The following SNTG1 variants were observed in gnomAD, a reference collection of about 807,000 sequenced individuals.
The protein encoded by SNTG1 is syntrophin gamma 1.
Under a neutral mutation model 74.7 loss-of-function variants are expected in SNTG1, and 39 were observed. The ratio of observed to expected loss-of-function variants is 0.52; its 90% CI spans 0.40 to 0.68. The LOEUF (loss-of-function observed/expected upper bound fraction) is 0.68. Among genes scored for constraint, SNTG1 ranks in the 30% least tolerant of loss-of-function variants. SNTG1 has a pLI of 0.00. For synonymous variants in SNTG1, 254 were observed against 217.1 expected, an observed-to-expected ratio of 1.17 and a Z score of -1.49; for missense variants, 685 against 609.5, an observed-to-expected ratio of 1.12 and a Z score of -1.30.
intron 1 of SNTG1, among the ~76,000 whole-genome samples, chr8:50,107,881 A>G (rs1223098823): frequency 2.6e-5 from 4 of 152,114 alleles, no homozygotes; most frequent in Non-Finnish European, 5.9e-5. Context: ...AGAGCGAATC[A>G]CTAAGTGTTG....
At chr8:50,059,516 G>A (rs1820301329) in intron 1 of SNTG1, among the ~76,000 whole-genome samples, 1 of 151,980 alleles carries the variant, frequency 6.6e-6, no homozygotes, top group Admixed American at 6.6e-5. Context: ...AATTCCTCAA[G>A]CCTTGGTATA....
At chr8:50,105,748 T>G (rs980791129) in intron 1 of SNTG1, among the ~76,000 whole-genome samples, 1 of 152,046 alleles carries the variant, frequency 6.6e-6, no homozygotes, top group Non-Finnish European at 1.5e-5. Flanking sequence ...AATTTCGCTT[T>G]CCTGGTTAGC....
intron 15 of SNTG1, among the ~76,000 whole-genome samples, chr8:50,690,550 G>C (rs1339710660): frequency 2.0e-5 from 3 of 152,156 alleles, no homozygotes; most frequent in African/African-American, 7.2e-5. Context: ...CCATGTAGTT[G>C]TGTGGTTTTG....
At chr8:50,481,776 C>T (rs183319270) in intron 8 of SNTG1, among the ~76,000 whole-genome samples, 23 of 152,322 alleles carry the variant, frequency 1.5e-4, no homozygotes, top group Non-Finnish European at 2.9e-4. Context: ...TGAAAAATAT[C>T]TATGAAATCC....
At chr8:50,610,207 A>G (rs762411734) in intron 13 of SNTG1, among the ~76,000 whole-genome samples, 2 of 151,868 alleles carry the variant, frequency 1.3e-5, no homozygotes, top group Non-Finnish European at 2.9e-5. Context: ...TTTAATTCTT[A>G]TTTTTATTTT....
chr8:50,625,644 T>A (rs550358619), intron 13 of SNTG1, among the ~76,000 whole-genome samples: 2 of 152,338 alleles, frequency 1.3e-5, no homozygotes, highest in African/African-American at 4.8e-5. Flanking sequence ...GTCAACTTGC[T>A]AAAAGTAAAT....
At chr8:50,157,715 G>T (rs2082295684) in intron 1 of SNTG1, among the ~76,000 whole-genome samples, 1 of 152,152 alleles carries the variant, frequency 6.6e-6, no homozygotes. Context: ...TAAAATTCAA[G>T]AATTCAGCCA....
intron 2 of SNTG1, among the ~76,000 whole-genome samples, chr8:50,331,397 G>A (rs563882140): frequency 1.3e-5 from 2 of 152,164 alleles, no homozygotes; most frequent in Non-Finnish European, 2.9e-5. Flanking sequence ...TTTAATTAGT[G>A]TTCCAAGCTA....
At chr8:50,350,218 T>C (rs960530412) in intron 2 of SNTG1, among the ~76,000 whole-genome samples, 6 of 151,986 alleles carry the variant, frequency 3.9e-5, no homozygotes, top group African/African-American at 1.4e-4. Flanking sequence ...CGTGGGCTCC[T>C]GTGCAGCCCG....
chr8:50,612,411 C>T (rs1015593223), intron 13 of SNTG1, among the ~76,000 whole-genome samples: 1 of 152,118 alleles, frequency 6.6e-6, no homozygotes, highest in African/African-American at 2.4e-5. Flanking sequence ...TATTAAAATG[C>T]TTTCTCTAAA....
chr8:49,980,716 A>G (rs1236209664), intron 1 of SNTG1, among the ~76,000 whole-genome samples: 1 of 151,928 alleles, frequency 6.6e-6, no homozygotes, highest in African/African-American at 2.4e-5. Flanking sequence ...ATAAAATTTA[A>G]TTTCAGGTAC....
intron 2 of SNTG1, among the ~76,000 whole-genome samples, chr8:50,385,915 G>A (rs887144326): frequency 6.6e-6 from 1 of 152,154 alleles, no homozygotes; most frequent in Non-Finnish European, 1.5e-5. Context: ...AGGCCAAGTA[G>A]GTCAGTTGAA....
At chr8:50,789,243 T>C (rs886291200) in intron 18 of SNTG1, among the ~76,000 whole-genome samples, 1 of 151,990 alleles carries the variant, frequency 6.6e-6, no homozygotes, top group Non-Finnish European at 1.5e-5. Context: ...CTAAATTCAA[T>C]GGTCAATTTC....
In SNTG1 at chr8:50,450,616, T is replaced by C. The variant is rs753555839; in HGVS notation, c.321+17T>C. On this transcript the variant is annotated intron_variant, in intron 7 of 18. Transcript: ENST00000642720. The stretch of plus-strand genomic sequence containing the variant: ...ATTCTACAGGTATACATTTTATCAC[T>C]ATATGTGTGGTCAAAACATTAACTC... 1.4e-5 allele frequency: 23 copies of C among 1,613,448 alleles called. 1 individual carries two copies. The highest frequency in any genetic ancestry group is 1.7e-5 in the Non-Finnish European group (20 of 1,179,676).
intron 12 of SNTG1, among the ~76,000 whole-genome samples, chr8:50,580,150 C>T (rs916295202): frequency 6.6e-6 from 1 of 152,234 alleles, no homozygotes; most frequent in Admixed American, 6.5e-5. Context: ...CATTTTCGAA[C>T]CTTAAAGTTT....
intron 1 of SNTG1, among the ~76,000 whole-genome samples, chr8:49,970,177 A>G (rs914655463): frequency 7.9e-5 from 12 of 152,090 alleles, no homozygotes; most frequent in African/African-American, 2.9e-4. Context: ...TCTGTATCTC[A>G]CCATCTGGCA....
At chr8:50,328,636 A>G (rs1026185807) in intron 2 of SNTG1, among the ~76,000 whole-genome samples, 1 of 152,084 alleles carries the variant, frequency 6.6e-6, no homozygotes, top group Non-Finnish European at 1.5e-5. Context: ...CCACCTCATG[A>G]TCCATTCACC....
intron 8 of SNTG1, among the ~76,000 whole-genome samples, chr8:50,464,372 T>G (rs150590853): frequency 6.6e-6 from 1 of 152,254 alleles, no homozygotes; most frequent in African/African-American, 2.4e-5. Context: ...TAAGTTTTGA[T>G]TTAAAGTGAG....
rs551303349 is a variant in SNTG1 at position 50,167,378 on chromosome 8, C to G, written c.-102-5183C>G. ...ATTAGGAAAGCAAAAGAGTCTGTTTCTAAACCAACTTTTCCTATATGTCAC... is the reference window on the plus strand; with the variant it reads ...ATTAGGAAAGCAAAAGAGTCTGTTTGTAAACCAACTTTTCCTATATGTCAC... On this transcript the variant is annotated intron_variant, in intron 1 of 18. Transcript: ENST00000642720. 2.0e-5 allele frequency among the ~76,000 whole-genome samples: 3 copies of G among 150,402 alleles called. No homozygotes were observed. In the South Asian group the frequency reaches 6.3e-4, roughly 32 times the overall value.
Sources: allele counts gnomAD v4.1 joint callset (sites outside exome capture counted in the v4.1 genomes callset), GRCh38; gene constraint gnomAD v4.1.1; transcripts MANE v1.5; gene names NCBI Gene and HGNC (gene_info 2026-07-23, HGNC 2026-07-21).